ACTR3C: variants seen among roughly 807,000 people sequenced by gnomAD.
The protein encoded by ACTR3C is actin-related protein 3C.
In ACTR3C, 18 loss-of-function variants were observed where a neutral mutation model predicts 26.3. The ratio of observed to expected loss-of-function variants is 0.68; its 90% CI spans 0.47 to 1.01. The LOEUF (loss-of-function observed/expected upper bound fraction) is 1.01. Ranked by LOEUF, ACTR3C falls within the 50% of genes least tolerant of loss-of-function variation. The pLI is 0.00. For synonymous variants in ACTR3C, 55 were observed against 94.5 expected (o/e 0.58, Z 2.42); for missense variants, 184 against 250.7 (o/e 0.73, Z 1.80).
chr7:150,284,726 A>C (rs555827309), intron 6 of ACTR3C, 27 bp downstream of exon 6: 1 of 1,559,966 alleles, frequency 6.4e-7, no homozygotes, highest in East Asian at 2.3e-5. Flanking sequence ...GAATGAAATC[A>C]AAGTACCTTA....
chr7:150,305,112 C>T (rs1465907448), intron 1 of ACTR3C, among the ~76,000 whole-genome samples: 1 of 152,140 alleles, frequency 6.6e-6, no homozygotes, highest in African/African-American at 2.4e-5. Context: ...TTCCACACAC[C>T]ATACTGTACT....
At chr7:150,135,047 G>A in the ACTR3C span, among the ~76,000 whole-genome samples, 1 of 152,234 alleles carries the variant, frequency 6.6e-6, no homozygotes, top group Non-Finnish European at 1.5e-5. Context: ...GCCTGTCTCG[G>A]CCTCGCAAAG....
the ACTR3C span, among the ~76,000 whole-genome samples, chr7:150,059,624 AGAG>A: frequency 2.0e-5 from 3 of 152,334 alleles, 1 homozygote; most frequent in Admixed American, 2.0e-4. Flanking sequence ...AGAGGGGAAA[AGAG>A]AAATAATGCT....
the ACTR3C span, among the ~76,000 whole-genome samples, chr7:150,218,974 C>G: frequency 3.3e-5 from 5 of 151,778 alleles, no homozygotes; most frequent in African/African-American, 1.2e-4. Context: ...ATAGTGAGAA[C>G]AGAGATCAGA....
At chr7:149,940,512 A>C in the ACTR3C span, among the ~76,000 whole-genome samples, 1 of 151,900 alleles carries the variant, frequency 6.6e-6, no homozygotes, top group South Asian at 2.1e-4. Context: ...ATTTTGGGAG[A>C]GGGTATATTA....
the ACTR3C span, among the ~76,000 whole-genome samples, chr7:149,977,481 C>G: frequency 5.9e-5 from 9 of 152,208 alleles, no homozygotes; most frequent in Non-Finnish European, 1.0e-4. Context: ...GCCACTTGTT[C>G]TTTATTAGTT....
chr7:149,936,352 C>T, the ACTR3C span, among the ~76,000 whole-genome samples: 1 of 152,212 alleles, frequency 6.6e-6, no homozygotes, highest in African/African-American at 2.4e-5. Flanking sequence ...GCCACATCCT[C>T]TCACGGCCAT....
chr7:150,180,767 C>A, the ACTR3C span, among the ~76,000 whole-genome samples: 2 of 148,882 alleles, frequency 1.3e-5, 1 homozygote, highest in African/African-American at 5.2e-5. Flanking sequence ...GCCTCGGCCT[C>A]CAAAAGTGCT....
chr7:150,084,238 GAA>G, the ACTR3C span, among the ~76,000 whole-genome samples: 3,070 of 148,008 alleles, frequency 0.021, 34 homozygotes, highest in African/African-American at 0.028. Context: ...TGGCTTCTCT[GAA>G]AAAAAAAAAA....
At chr7:150,162,752 A>G in the ACTR3C span, among the ~76,000 whole-genome samples, 3 of 152,224 alleles carry the variant, frequency 2.0e-5, no homozygotes, top group East Asian at 1.9e-4. Flanking sequence ...TTTCCCTGAC[A>G]ATAGGGATTG....
chr7:149,903,541 T>G, the ACTR3C span, among the ~76,000 whole-genome samples: 108 of 151,404 alleles, frequency 7.1e-4, no homozygotes, highest in Admixed American at 3.5e-3. Flanking sequence ...AGAGTTGTCT[T>G]GGGGTTTTGC....
the ACTR3C span, among the ~76,000 whole-genome samples, chr7:150,129,604 T>C: frequency 6.6e-6 from 1 of 152,158 alleles, no homozygotes; most frequent in East Asian, 1.9e-4. Context: ...CAATTGGAAA[T>C]AGTAAGTTAA....
At chr7:149,951,994 G>A in the ACTR3C span, among the ~76,000 whole-genome samples, 1 of 149,100 alleles carries the variant, frequency 6.7e-6, no homozygotes, top group Non-Finnish European at 1.5e-5. Context: ...TGCTGGAGGG[G>A]TTGTTTTCTG....
intron 1 of ACTR3C, among the ~76,000 whole-genome samples, chr7:150,320,765 A>G (rs1207785900): frequency 2.0e-5 from 3 of 152,294 alleles, no homozygotes; most frequent in African/African-American, 7.2e-5. Flanking sequence ...TCCATCTCCA[A>G]AACAAAAACA....
At chr7:150,036,717 A>T in the ACTR3C span, among the ~76,000 whole-genome samples, 1 of 132,612 alleles carries the variant, frequency 7.5e-6, no homozygotes, top group East Asian at 2.0e-4. Flanking sequence ...CCCGAGCTGG[A>T]GCTGCGTTCG....
At chr7:150,037,723 G>A in the ACTR3C span, among the ~76,000 whole-genome samples, 28 of 96,474 alleles carry the variant, frequency 2.9e-4, 4 homozygotes, top group Non-Finnish European at 5.6e-4. Flanking sequence ...CCTAAGCCAG[G>A]GGGGAAGAGG....
At chr7:150,200,605 A>C in the ACTR3C span, among the ~76,000 whole-genome samples, 37 of 152,194 alleles carry the variant, frequency 2.4e-4, no homozygotes, top group African/African-American at 8.7e-4. Context: ...CACATCCAGA[A>C]GGGTGATAAC....
chr7:150,117,488 C>G, the ACTR3C span, among the ~76,000 whole-genome samples: 6 of 152,200 alleles, frequency 3.9e-5, no homozygotes, highest in Non-Finnish European at 8.8e-5. Context: ...TGGGCGGAGC[C>G]CATGGCAGCA....
chr7:149,916,905 C>G, the ACTR3C span, among the ~76,000 whole-genome samples: 27 of 152,292 alleles, frequency 1.8e-4, no homozygotes, highest in African/African-American at 6.5e-4. Context: ...AGTTACATGT[C>G]TGCCTTTTAA....
Sources: allele counts gnomAD v4.1 joint callset (sites outside exome capture counted in the v4.1 genomes callset), GRCh38; gene constraint gnomAD v4.1.1; transcripts MANE v1.5; gene names NCBI Gene and HGNC (gene_info 2026-07-23, HGNC 2026-07-21).